The following PPP2R3B variants were observed in gnomAD, a reference collection of about 807,000 sequenced individuals.
PPP2R3B encodes protein phosphatase 2 regulatory subunit B''beta.
In PPP2R3B, 68 loss-of-function variants were observed where a neutral mutation model predicts 72.9. The observed-to-expected ratio is 0.93, with a 90% CI of 0.77 to 1.14. The LOEUF (loss-of-function observed/expected upper bound fraction) is 1.14, where lower values mean the gene tolerates loss of function less well. Among genes scored for constraint, PPP2R3B ranks in the 50% most tolerant of loss-of-function variants. The probability of loss-of-function intolerance (pLI) is 0.00; values close to 1 mark genes in which losing one functional copy is unlikely to be tolerated. For synonymous variants in PPP2R3B, 466 were observed against 375.8 expected, an observed-to-expected ratio of 1.24 and a Z score of -2.78; for missense variants, 1,018 against 842.0, an observed-to-expected ratio of 1.21 and a Z score of -2.59.
intron 1 of PPP2R3B, among the ~76,000 whole-genome samples, chrX:367,648 G>A (rs1407271196): frequency 6.6e-6 from 1 of 152,220 alleles, no homozygotes; most frequent in Non-Finnish European, 1.5e-5. Flanking sequence ...CTGAAAAAGA[G>A]CAGGAGACAG....
chrX:338,420 C>G (rs1302409986), intron 12 of PPP2R3B, 184 bp downstream of exon 12: 1 of 652,834 alleles, frequency 1.5e-6, no homozygotes, highest in Admixed American at 2.4e-5. Flanking sequence ...GCCCTGTCAT[C>G]GGCTGTCCTT....
At chrX:363,489 C>CATCTCCCCGAGCCCGCG (rs2071597487) in intron 1 of PPP2R3B, among the ~76,000 whole-genome samples, 1 of 2,180 alleles carries the variant, frequency 4.6e-4, no homozygotes, top group Non-Finnish European at 1.1e-3. Flanking sequence ...CCGAGCCCAG[C>CATCTCCCCGAGCCCGCG]ATCCCACAAT....
rs1382733923 is a variant in PPP2R3B, at chrX:340,936, C to T, written c.1180G>A (p.Glu394Lys). Residue 394 changes from glutamate (E) to lysine (K), a missense_variant, in exon 10 of 13, where the codon GAG (glutamate) becomes AAG (lysine). Physicochemically the swap from Glu to Lys is moderately conservative, Grantham distance 56. Coordinates refer to ENST00000390665, the MANE Select transcript of PPP2R3B (RefSeq NM_013239.5). ...EEDKKTPTSI[E>K]YWFRCMDLDG... ...AGGTCCATGCAGCGGAACCAGTACT[C>T]GATGCTGCGGCACGGCGAGCTCTGT... 12 of 1,610,926 alleles carry T rather than the reference C, an allele frequency of 7.4e-6. No individual in the cohort carries two copies. Among genetic ancestry groups the T allele is most frequent in the East Asian group, 2.2e-5 (1 of 44,806 alleles).
intron 10 of PPP2R3B, 75 bp downstream of exon 10, chrX:340,690 T>A: frequency 6.4e-7 from 1 of 1,556,796 alleles, no homozygotes; most frequent in Non-Finnish European, 8.7e-7. Flanking sequence ...CTCTCGCCCG[T>A]CCGTCCCCTC....
At chrX:363,537 C>T (rs1199535873) in intron 1 of PPP2R3B, among the ~76,000 whole-genome samples, 2 of 138,928 alleles carry the variant, frequency 1.4e-5, no homozygotes, top group Non-Finnish European at 1.6e-5. Context: ...GTGCATCTCC[C>T]CGAGCCCGCG....
intron 8 of PPP2R3B, 85 bp from the exon 9 acceptor site, chrX:341,481 T>A (rs2071073737): frequency 7.1e-7 from 1 of 1,416,912 alleles, no homozygotes; most frequent in Non-Finnish European, 9.9e-7. Context: ...CGCGCCTCGG[T>A]GAGGGGAGCC....
At chrX:341,495 C>CCCA in intron 8 of PPP2R3B, 99 bp from the exon 9 acceptor site, 3 of 1,300,178 alleles carry the variant, frequency 2.3e-6, no homozygotes, top group African/African-American at 2.9e-5. Flanking sequence ...GGGAGCCCCC[C>CCCA]GGGCCCGGCC....
chrX:370,344 C>T (rs766200515), intron 1 of PPP2R3B, among the ~76,000 whole-genome samples: 14 of 152,284 alleles, frequency 9.2e-5, no homozygotes, highest in African/African-American at 3.1e-4. Context: ...CCTCAACGGA[C>T]GCTGAGAGAC....
At chrX:346,442 G>A in intron 5 of PPP2R3B, 182 bp from the exon 6 acceptor site, 3 of 657,944 alleles carry the variant, frequency 4.6e-6, no homozygotes, top group Non-Finnish European at 7.5e-6. Flanking sequence ...CGGAAAGCGG[G>A]GAGGGTCTGG....
At chrX:370,370 C>T (rs1248300495) in intron 1 of PPP2R3B, among the ~76,000 whole-genome samples, 3 of 152,194 alleles carry the variant, frequency 2.0e-5, no homozygotes, top group Non-Finnish European at 4.4e-5. Context: ...CTGGGGCCTG[C>T]ACCCACACCT....
At chrX:367,806 G>C (rs767027251) in intron 1 of PPP2R3B, among the ~76,000 whole-genome samples, 133 of 152,316 alleles carry the variant, frequency 8.7e-4, no homozygotes, top group Non-Finnish European at 1.8e-3. Flanking sequence ...AGGACAGAAA[G>C]ACAGGAGATA....
intron 1 of PPP2R3B, among the ~76,000 whole-genome samples, chrX:373,284 C>T (rs1470846080): frequency 6.6e-6 from 1 of 152,228 alleles, no homozygotes; most frequent in African/African-American, 2.4e-5. Flanking sequence ...TTTCAAAGCC[C>T]GGTTTTCCTA....
chrX:361,479 T>C lies in PPP2R3B; in HGVS notation c.436A>G (p.Ser146Gly), dbSNP rs186068809. ...CGGGCGAAGGTGCTCTCGATCTTGC[T>C]GATGACGGCATCCACGTTGACGGAG... ...QDSVNVDAVISKIESTFARFP... is the reference protein window; with the variant it reads ...QDSVNVDAVIGKIESTFARFP... The change falls in exon 2 of 13, where the codon AGC becomes GGC. Residue 146 changes from serine (S) to glycine (G), a missense_variant. Physicochemically the swap from Ser to Gly is moderately conservative, Grantham distance 56 (BLOSUM62 0). Transcript: ENST00000390665. 1.9e-4 allele frequency: 299 copies of C among 1,614,016 alleles called. 2 individuals are homozygous for C. The African/African-American group carries it at 2.8e-3, about 15-fold the overall frequency.
intron 12 of PPP2R3B, 166 bp from the exon 13 acceptor site, chrX:334,683 C>G (rs776140450): frequency 1.2e-6 from 1 of 814,670 alleles, no homozygotes; most frequent in Non-Finnish European, 1.7e-6. Flanking sequence ...TGGCTGAGGA[C>G]GCCGGCTCCA....
At chrX:344,362 C>G (rs2071149969) in intron 7 of PPP2R3B, among the ~76,000 whole-genome samples, 1 of 152,180 alleles carries the variant, frequency 6.6e-6, no homozygotes, top group Non-Finnish European at 1.5e-5. Context: ...GTGAAAGCAC[C>G]GTCGCCGTCA....
chrX:382,168 G>T (rs1404026723), intron 1 of PPP2R3B, among the ~76,000 whole-genome samples: 1 of 150,628 alleles, frequency 6.6e-6, no homozygotes, highest in Non-Finnish European at 1.5e-5. Flanking sequence ...GTCCCTCAAC[G>T]TGACCTGAAC....
chrX:356,827 G>A (rs2071444271), intron 2 of PPP2R3B, among the ~76,000 whole-genome samples: 1 of 130,322 alleles, frequency 7.7e-6, no homozygotes, highest in South Asian at 2.4e-4. Flanking sequence ...CCACACGGGA[G>A]CCCCACGGTA....
chrX:333,978 T>A lies in PPP2R3B; in HGVS notation c.*389A>T. ...GATCGCCAGAAACGGTTTTGTACGTTTACACAAAACATTCACACAGCCTGT... is the reference window on the plus strand; with the variant it reads ...GATCGCCAGAAACGGTTTTGTACGTATACACAAAACATTCACACAGCCTGT... On this transcript the variant is annotated 3_prime_UTR_variant, in exon 13 of 13. Coordinates refer to ENST00000390665, the MANE Select transcript of PPP2R3B (RefSeq NM_013239.5). 5.4e-6 allele frequency: 1 copy of A among 185,226 alleles called. No individual in the cohort carries two copies. The highest frequency in any genetic ancestry group is 1.1e-5 in the Non-Finnish European group (1 of 90,314). 11.5% of individuals were successfully genotyped at this position (185,226 alleles called of 1,614,324 possible).
chrX:382,418 G>A (rs1375364103), intron 1 of PPP2R3B, among the ~76,000 whole-genome samples: 2 of 151,732 alleles, frequency 1.3e-5, no homozygotes, highest in South Asian at 4.2e-4. Flanking sequence ...GGTTGATCTC[G>A]AACTCCTGAC....
Sources: gnomAD v4.1 joint callset for allele counts (sites outside exome capture counted in the v4.1 genomes callset) on GRCh38, gnomAD v4.1.1 for gene constraint, MANE v1.5 for transcripts, NCBI Gene and HGNC (gene_info 2026-07-23, HGNC 2026-07-21) for gene names.